The following ISY1 variants were observed in gnomAD, a reference collection of about 807,000 sequenced individuals.
ISY1 encodes pre-mRNA-splicing factor ISY1 homolog.
A neutral mutation model predicts 54.4 loss-of-function variants in ISY1; 12 were observed. That is an observed-to-expected ratio of 0.22 (90% CI 0.14 to 0.36). The LOEUF (loss-of-function observed/expected upper bound fraction) is 0.36. ISY1 is among the 10% of genes least tolerant of loss of function. The pLI is 1.00. For synonymous variants in ISY1, 96 were observed against 117.9 expected (o/e 0.81, Z 1.20); for missense variants, 282 against 342.2 (o/e 0.82, Z 1.39).
chr3:129,152,426 C>T (rs1001483646), intron 5 of ISY1, among the ~76,000 whole-genome samples: 4 of 150,384 alleles, frequency 2.7e-5, no homozygotes, highest in Admixed American at 6.6e-5. Context: ...TTTTTTGAGA[C>T]GGAGTCTCGC....
At chr3:129,150,420 A>T (rs1222054315) in intron 5 of ISY1, among the ~76,000 whole-genome samples, 2 of 152,130 alleles carry the variant, frequency 1.3e-5, no homozygotes, top group African/African-American at 2.4e-5. Context: ...TTAGATTTAT[A>T]CCTAAGTATG....
At chr3:129,154,170 G>C (rs1392493010) in intron 5 of ISY1, among the ~76,000 whole-genome samples, 1 of 151,530 alleles carries the variant, frequency 6.6e-6, no homozygotes, top group Non-Finnish European at 1.5e-5. Context: ...TGAACCCCGG[G>C]GGGCGGAGCC....
Position 129,134,188 on chromosome 3 carries a change from G to T in ISY1, c.549C>A (p.Ala183=). Residue 183 remains alanine, a synonymous_variant, in exon 9 of 11, where the codon GCC becomes GCA. Transcript: ENST00000393295. The stretch of plus-strand genomic sequence containing the variant: ...CTGCTTTCCACTTTTCCACTAACTC[G>T]GCTCTGACTGAACACAAGAGAGGGT... ...LEQEYEKKLR[A]ELVEKWKAER... The T allele has an allele frequency of 6.2e-7, 1 of 1,613,924 alleles. No homozygotes were observed. Among genetic ancestry groups the T allele is most frequent in the Non-Finnish European group, 8.5e-7 (1 of 1,180,014 alleles).
In ISY1 at chr3:129,153,301, T is replaced by A. The variant is rs552695789; in HGVS notation, c.187+3332A>T. Among the ~76,000 whole-genome samples the A allele has an allele frequency of 2.0e-5, 3 of 152,286 alleles. No homozygotes were observed. The South Asian group carries it at 6.2e-4, about 32-fold the overall frequency. On this transcript the variant is annotated intron_variant, in intron 5 of 10. Coordinates refer to ENST00000393295, the MANE Select transcript of ISY1 (RefSeq NM_020701.4). Reference sequence around the variant, plus strand: ...CTGCAGTTACAGGCGTGAGCCACGGTGCACAGCCCCAATTTCTTTAACAGA... The same window carrying A: ...CTGCAGTTACAGGCGTGAGCCACGGAGCACAGCCCCAATTTCTTTAACAGA...
At chr3:129,140,539 T>C (rs1936576557) in intron 6 of ISY1, 54 bp from the exon 7 acceptor site, 2 of 1,415,256 alleles carry the variant, frequency 1.4e-6, no homozygotes, top group African/African-American at 2.9e-5. Context: ...TAGTTAGTTA[T>C]TATTTATTTA....
At chr3:129,148,532 T>G (rs1275716980) in intron 5 of ISY1, among the ~76,000 whole-genome samples, 1 of 152,238 alleles carries the variant, frequency 6.6e-6, no homozygotes, top group Admixed American at 6.5e-5. Context: ...ATGACTATTA[T>G]GTTAAACACA....
chr3:129,147,647 TA>T (rs1483855647), intron 5 of ISY1, among the ~76,000 whole-genome samples: 1 of 152,122 alleles, frequency 6.6e-6, no homozygotes, highest in Non-Finnish European at 1.5e-5. Flanking sequence ...AATCTACATA[TA>T]AAAACAATAC....
chr3:129,145,088 T>C (rs771259430), intron 6 of ISY1, among the ~76,000 whole-genome samples: 11 of 152,122 alleles, frequency 7.2e-5, no homozygotes, highest in East Asian at 1.9e-4. Context: ...TTTTTAAATA[T>C]TTTGTAGATT....
At chr3:129,132,792 C>T (rs560504557) in intron 9 of ISY1, among the ~76,000 whole-genome samples, 5 of 152,360 alleles carry the variant, frequency 3.3e-5, no homozygotes, top group African/African-American at 1.2e-4. Context: ...AATATTTGTA[C>T]CTAGAGGAAA....
intron 5 of ISY1, among the ~76,000 whole-genome samples, chr3:129,147,623 T>TA (rs1194466728): frequency 2.0e-5 from 3 of 152,158 alleles, no homozygotes; most frequent in African/African-American, 7.2e-5. Flanking sequence ...TTATTTTTTT[T>TA]ATTGACTTTC....
rs1937299298 is a variant in ISY1 at position 129,161,044 on chromosome 3, C to T, written c.-69G>A. The T allele has an allele frequency of 6.5e-7, 1 of 1,538,254 alleles. No homozygotes were observed. The highest frequency in any genetic ancestry group is 8.8e-7 in the Non-Finnish European group (1 of 1,141,748). On this transcript the variant is annotated 5_prime_UTR_variant, in exon 1 of 11. Transcript: ENST00000393295. The stretch of plus-strand genomic sequence containing the variant: ...CAAGAAACTCCACAGGCCCAGAAGA[C>T]GCCGACGCTCACAGGAACTGAAGAT...
At chr3:129,145,735 C>G in intron 6 of ISY1, 26 bp downstream of exon 6, 1 of 1,607,424 alleles carries the variant, frequency 6.2e-7, no homozygotes, top group Non-Finnish European at 8.5e-7. Flanking sequence ...AGACAAGACC[C>G]GCCACTGGGG....
intron 5 of ISY1, among the ~76,000 whole-genome samples, chr3:129,152,255 A>C (rs1384918567): frequency 6.6e-6 from 1 of 152,198 alleles, no homozygotes; most frequent in Admixed American, 6.5e-5. Flanking sequence ...ATTTTGTCAA[A>C]TACTTTTTCT....
intron 6 of ISY1, among the ~76,000 whole-genome samples, chr3:129,145,368 G>A (rs1017894240): frequency 3.3e-5 from 5 of 152,028 alleles, no homozygotes; most frequent in Admixed American, 1.3e-4. Context: ...GATTACAGGC[G>A]TGCACCACCA....
rs1936190462 is a variant in ISY1, at chr3:129,129,912, A to ATGT, written c.*168_*169insACA. On this transcript the variant is annotated 3_prime_UTR_variant, in exon 11 of 11. Transcript: ENST00000393295. ...GCAAAATATGTGTACAAAACCTACC[A>ATGT]GGAAGACCAGGGACAGACCCCTACC... 2.0e-6 allele frequency: 1 copy of ATGT among 507,058 alleles called. No individual in the cohort carries two copies. The highest frequency in any genetic ancestry group is 3.4e-6 in the Non-Finnish European group (1 of 290,096). 31.4% of individuals were successfully genotyped at this position (507,058 alleles called of 1,614,324 possible).
chr3:129,144,092 T>C (rs1164579075), intron 6 of ISY1: 1 of 399,138 alleles, frequency 2.5e-6, no homozygotes, highest in Non-Finnish European at 5.1e-6. Context: ...CTAGGTGGAT[T>C]AATGAGCTGC....
chr3:129,141,230 T>TAAATAAATAAAA (rs1936601366), intron 6 of ISY1, among the ~76,000 whole-genome samples: 6 of 112,132 alleles, frequency 5.4e-5, no homozygotes, highest in African/African-American at 1.5e-4. Flanking sequence ...AATAAATAAA[T>TAAATAAATAAAA]AAAAAACACT....
intron 5 of ISY1, among the ~76,000 whole-genome samples, chr3:129,153,190 CAT>C (rs1937029080): frequency 1.3e-5 from 2 of 151,758 alleles, no homozygotes; most frequent in South Asian, 4.2e-4. Flanking sequence ...TTGTATTTTT[CAT>C]AGAGACAGGG....
chr3:129,136,283 G>A (rs923750445), intron 7 of ISY1, among the ~76,000 whole-genome samples: 2 of 151,216 alleles, frequency 1.3e-5, no homozygotes, highest in African/African-American at 2.4e-5. Context: ...TGTATTTTTA[G>A]TAGAGATGGG....
Sources: allele counts gnomAD v4.1 joint callset (sites outside exome capture counted in the v4.1 genomes callset), GRCh38; gene constraint gnomAD v4.1.1; transcripts MANE v1.5; gene names NCBI Gene and HGNC (gene_info 2026-07-23, HGNC 2026-07-21).